Variants in GRM5 observed in about 807,000 individuals in gnomAD.
GRM5 encodes the protein metabotropic glutamate receptor 5.
A neutral mutation model predicts 83.1 loss-of-function variants in GRM5; 19 were observed. The ratio of observed to expected loss-of-function variants is 0.23; its 90% CI spans 0.16 to 0.34. The LOEUF (loss-of-function observed/expected upper bound fraction) is 0.34. Ranked by LOEUF, GRM5 falls within the 10% of genes least tolerant of loss-of-function variation. The pLI, the probability that GRM5 is intolerant of heterozygous loss-of-function variation, is 1.00. For synonymous variants in GRM5, 675 were observed against 633.6 expected (o/e 1.07, Z -0.98); for missense variants, 1,160 against 1,588.3 (o/e 0.73, Z 4.58).
At chr11:88,663,558 C>T (rs570673843) in intron 3 of GRM5, among the ~76,000 whole-genome samples, 2 of 152,256 alleles carry the variant, frequency 1.3e-5, no homozygotes, top group South Asian at 2.1e-4. Context: ...GTATCCATAG[C>T]TTTATATAAC....
chr11:88,928,907 T>TACAC lies in GRM5; in HGVS notation c.662-78756_662-78753dup, dbSNP rs1555043262. 5.7e-3 allele frequency among the ~76,000 whole-genome samples: 789 copies of TACAC among 138,746 alleles called. 7 individuals carry two copies. The highest frequency in any genetic ancestry group is 7.8e-3 in the Non-Finnish European group (505 of 65,062). 91.0% of individuals were successfully genotyped at this position (138,746 alleles called of 152,430 possible). A position where few individuals can be genotyped will look rare whatever the true frequency, so the allele number is the denominator to read the frequency against. On this transcript the variant is annotated intron_variant, in intron 2 of 9. Transcript: ENST00000305447. The stretch of plus-strand genomic sequence containing the variant: ...GTTTGTACCTATGTGTATGTGTATA[T>TACAC]ACACACACACACACACACACACACA...
intron 2 of GRM5, among the ~76,000 whole-genome samples, chr11:88,995,207 C>G (rs1026039238): frequency 3.3e-5 from 5 of 151,886 alleles, no homozygotes; most frequent in African/African-American, 1.2e-4. Flanking sequence ...AATAAGAGAT[C>G]CAGCAAGAAT....
chr11:89,055,299 T>G (rs1417613579), intron 1 of GRM5, among the ~76,000 whole-genome samples: 1 of 152,168 alleles, frequency 6.6e-6, no homozygotes, highest in East Asian at 1.9e-4. Flanking sequence ...GCAATTGGAG[T>G]GACAGCAGTA....
chr11:88,752,951 T>C (rs1942312806), intron 3 of GRM5, among the ~76,000 whole-genome samples: 1 of 152,138 alleles, frequency 6.6e-6, no homozygotes, highest in African/African-American at 2.4e-5. Flanking sequence ...TATGCAAAAA[T>C]TAATTCAAGA....
chr11:88,797,685 T>C (rs1205272690), intron 3 of GRM5, among the ~76,000 whole-genome samples: 1 of 152,174 alleles, frequency 6.6e-6, no homozygotes, highest in Non-Finnish European at 1.5e-5. Flanking sequence ...AGGTTCTAAA[T>C]TTGTTGGATT....
At chr11:88,773,700 A>T (rs1942787202) in intron 3 of GRM5, among the ~76,000 whole-genome samples, 1 of 152,150 alleles carries the variant, frequency 6.6e-6, no homozygotes, top group Non-Finnish European at 1.5e-5. Flanking sequence ...ACCATTTATT[A>T]AATAGGGAAT....
intron 2 of GRM5, among the ~76,000 whole-genome samples, chr11:89,009,923 A>AAC (rs1940648229): frequency 7.1e-6 from 1 of 140,792 alleles, no homozygotes; most frequent in Admixed American, 7.1e-5. Context: ...AAAAAAAAAA[A>AAC]AAAAAAACAC....
chr11:88,892,099 CTG>C (rs1269037939), intron 2 of GRM5, among the ~76,000 whole-genome samples: 1 of 150,830 alleles, frequency 6.6e-6, no homozygotes, highest in Non-Finnish European at 1.5e-5. Context: ...TGGAAACCAT[CTG>C]TGAGTAACCT....
intron 2 of GRM5, among the ~76,000 whole-genome samples, chr11:88,987,063 A>T (rs1206045759): frequency 5.3e-5 from 8 of 152,040 alleles, no homozygotes; most frequent in Non-Finnish European, 8.8e-5. Context: ...AGCAAGGCAG[A>T]AGACGGGTGA....
intron 2 of GRM5, among the ~76,000 whole-genome samples, chr11:88,992,357 T>C (rs1049753265): frequency 6.6e-6 from 1 of 151,626 alleles, no homozygotes; most frequent in Non-Finnish European, 1.5e-5. Flanking sequence ...CATTAAAAAG[T>C]CAGGAAACAG....
intron 2 of GRM5, among the ~76,000 whole-genome samples, chr11:89,045,671 T>A (rs980698256): frequency 1.2e-4 from 18 of 152,154 alleles, no homozygotes; most frequent in African/African-American, 4.1e-4. Context: ...TGACTAAGAG[T>A]TTCACTTGGG....
chr11:88,665,211 C>CT (rs921006643), intron 3 of GRM5, among the ~76,000 whole-genome samples: 88 of 138,486 alleles, frequency 6.4e-4, no homozygotes, highest in Admixed American at 2.0e-3. Context: ...GAATTTCTTT[C>CT]TTTTTTTTCC....
At chr11:88,863,979 T>A (rs983866687) in intron 2 of GRM5, among the ~76,000 whole-genome samples, 1 of 151,482 alleles carries the variant, frequency 6.6e-6, no homozygotes, top group Non-Finnish European at 1.5e-5. Context: ...AAAGATCCAG[T>A]ACAATAAAGG....
At chr11:88,549,004 T>C (rs745939407) in intron 8 of GRM5, among the ~76,000 whole-genome samples, 1 of 152,152 alleles carries the variant, frequency 6.6e-6, no homozygotes, top group Non-Finnish European at 1.5e-5. Flanking sequence ...AATGGTACAA[T>C]ATAACCTGAT....
intron 3 of GRM5, among the ~76,000 whole-genome samples, chr11:88,780,476 C>T (rs1347671329): frequency 6.6e-6 from 1 of 152,058 alleles, no homozygotes; most frequent in Admixed American, 6.6e-5. Context: ...GGGAGAGTAC[C>T]TTAGCTTGTG....
At chr11:89,014,768 A>T (rs1249890055) in intron 2 of GRM5, among the ~76,000 whole-genome samples, 1 of 152,176 alleles carries the variant, frequency 6.6e-6, no homozygotes, top group African/African-American at 2.4e-5. Context: ...GCATGCGTGT[A>T]TCAAAACATC....
rs188040926 is a variant in GRM5 at position 88,943,462 on chromosome 11, T to A, written c.662-93307A>T. On this transcript the variant is annotated intron_variant, in intron 2 of 9. Transcript: ENST00000305447. ...AAAGTCTAGGTCTGACTGTAATGGCTAATTTTCTATTGTACATATCTATGG... is the reference window on the plus strand; with the variant it reads ...AAAGTCTAGGTCTGACTGTAATGGCAAATTTTCTATTGTACATATCTATGG... Among the ~76,000 whole-genome samples the A allele has an allele frequency of 2.8e-3, 430 of 152,220 alleles. 1 individual carries two copies. The highest frequency in any genetic ancestry group is 9.6e-3 in the African/African-American group (401 of 41,572).
In GRM5 at chr11:88,509,262, G is replaced by A. The variant is rs2135073145; in HGVS notation, c.2969C>T (p.Pro990Leu). The change falls in exon 10 of 10, where the codon CCC becomes CTC. Residue 990 changes from proline (P) to leucine (L), a missense_variant. Pro to Leu is a moderately conservative substitution (Grantham distance 98, BLOSUM62 -3). Coordinates refer to ENST00000305447, the MANE Select transcript of GRM5 (RefSeq NM_001143831.3). ...CTTGGGGCCGGCGTCTGGGGACTCG[G>A]GCCCGCCTGGGCCGGCGCCTGCGCA... ...AGCAGAGPGG[P>L]ESPDAGPKAL... 1 of 1,473,250 alleles carries A rather than the reference G, an allele frequency of 6.8e-7. No individual in the cohort carries two copies. The highest frequency in any genetic ancestry group is 1.5e-5 in the African/African-American group (1 of 67,176). The allele number at this position is 1,473,250 out of a possible 1,614,324, so 91.3% of individuals were successfully genotyped here.
chr11:88,653,931 G>A (rs948428682), intron 3 of GRM5, among the ~76,000 whole-genome samples: 12 of 151,970 alleles, frequency 7.9e-5, no homozygotes, highest in African/African-American at 1.9e-4. Flanking sequence ...ACCGTTTGCC[G>A]ATTATGGTTA....
Sources: allele counts gnomAD v4.1 joint callset (sites outside exome capture counted in the v4.1 genomes callset), GRCh38; gene constraint gnomAD v4.1.1; transcripts MANE v1.5; gene names NCBI Gene and HGNC (gene_info 2026-07-23, HGNC 2026-07-21).